The following OPRL1 variants were observed in gnomAD, a reference collection of about 807,000 sequenced individuals.
OPRL1 encodes nociceptin receptor.
In OPRL1, 5 loss-of-function variants were observed where a neutral mutation model predicts 15.5. That is an observed-to-expected ratio of 0.32 (90% CI 0.17 to 0.68). OPRL1 has a LOEUF of 0.68. OPRL1 is among the 30% of genes least tolerant of loss of function. The pLI is 0.72. For missense variants in OPRL1, 406 were observed against 515.3 expected, an observed-to-expected ratio of 0.79 and a Z score of 2.05; for synonymous variants, 223 against 230.2, an observed-to-expected ratio of 0.97 and a Z score of 0.28.
chr20:64,097,840 T>G lies in OPRL1; in HGVS notation c.272T>G (p.Phe91Cys). Residue 91 changes from phenylalanine to cysteine, a missense_variant, in exon 4 of 5, where the codon TTT becomes TGT. Transcript: ENST00000336866. The surrounding 1 kb of genome is among the most constrained non-coding windows in gnomAD (Gnocchi z 4.2). Reference sequence around the variant, plus strand: ...AAGACAGCCACCAATATTTACATCTTTAACCTGGCCCTGGCCGACACTCTG... The same window carrying G: ...AAGACAGCCACCAATATTTACATCTGTAACCTGGCCCTGGCCGACACTCTG... ...KMKTATNIYI[F>C]NLALADTLVL... 6.2e-7 allele frequency: 1 copy of G among 1,613,556 alleles called. No individual in the cohort carries two copies. The highest frequency in any genetic ancestry group is 8.5e-7 in the Non-Finnish European group (1 of 1,179,948).
chr20:64,092,864 C>T lies in OPRL1; in HGVS notation c.144C>T (p.Leu48=), dbSNP rs755034870. ...CCAGCCACGGCGCCTTCCTGCCCCT[C>T]GGGCTCAAGGTCACCATCGTGGGGC... is the stretch of plus-strand genomic sequence containing the variant. ...LNASHGAFLP[L]GLKVTIVGLY... is the part of the protein sequence containing the mutation. The change falls in exon 3 of 5, where the codon CTC becomes CTT. Residue 48 remains leucine, a synonymous_variant. Coordinates refer to ENST00000336866, the MANE Select transcript of OPRL1 (RefSeq NM_182647.4). 6.8e-6 allele frequency: 11 copies of T among 1,612,778 alleles called. No individual in the cohort carries two copies. Among genetic ancestry groups the T allele is most frequent in the Middle Eastern group, 3.3e-4 (2 of 6,060 alleles).
At chr20:64,086,306 G>A (rs2060050132) in intron 1 of OPRL1, among the ~76,000 whole-genome samples, 2 of 152,182 alleles carry the variant, frequency 1.3e-5, no homozygotes, top group Non-Finnish European at 2.9e-5. Flanking sequence ...CTTTTTATAG[G>A]ACTGGAAAAC....
At position 64,098,292 on chromosome 20, in the gene OPRL1, G is replaced by A. The variant is rs1979430303; in HGVS notation, c.606G>A (p.Val202=). Residue 202 remains valine (V), a synonymous_variant, in exon 5 of 5, where the codon GTG becomes GTA. Transcript: ENST00000336866. The part of the protein sequence containing the change: ...QVEDEEIECL[V]EIPTPQDYWG... ...TCCCTGCAGAGATCGAGTGCCTGGT[G>A]GAGATCCCTACCCCTCAGGATTACT... 1 of 1,613,708 alleles carries A rather than the reference G, an allele frequency of 6.2e-7. No homozygotes were observed. Among genetic ancestry groups the A allele is most frequent in the Non-Finnish European group, 8.5e-7 (1 of 1,179,870 alleles).
At chr20:64,084,254 C>G (rs2060016040) in intron 1 of OPRL1, 4 of 1,352,936 alleles carry the variant, frequency 3.0e-6, no homozygotes, top group Non-Finnish European at 1.9e-6. Flanking sequence ...GGCGTCCCGT[C>G]GGTGCCGGGG....
intron 1 of OPRL1, among the ~76,000 whole-genome samples, chr20:64,086,201 T>C (rs1023184923): frequency 2.6e-5 from 4 of 152,146 alleles, no homozygotes; most frequent in Non-Finnish European, 4.4e-5. Context: ...GGGGGACACA[T>C]GGGTGGGGCA....
At position 64,083,770 on chromosome 20, in the gene OPRL1, T is replaced by C; in HGVS notation, c.-185+3418T>C. ...CCCGCCCCGCCCCGGCCGGCTCCGC[T>C]CAACGCTCCCGGTGCGCCCCCTCTG... On this transcript the variant is annotated intron_variant, in intron 1 of 4. Coordinates refer to ENST00000336866, the MANE Select transcript of OPRL1 (RefSeq NM_182647.4). The surrounding 1 kb of genome is among the most constrained non-coding windows in gnomAD (Gnocchi z 4.9). 2 of 1,318,478 alleles carry C rather than the reference T, an allele frequency of 1.5e-6. No homozygotes were observed. Among genetic ancestry groups the C allele is most frequent in the Non-Finnish European group, 1.9e-6 (2 of 1,034,916 alleles). 81.7% of individuals were successfully genotyped at this position (1,318,478 alleles called of 1,614,324 possible).
chr20:64,098,463 G>A lies in OPRL1; in HGVS notation c.777G>A (p.Arg259=), dbSNP rs1979467763. ...CCCGAGAGAAGGACCGGAACCTGCG[G>A]CGCATCACTCGGCTGGTGCTGGTGG... The part of the protein sequence containing the change: ...SGSREKDRNL[R]RITRLVLVVV... Residue 259 remains arginine, a synonymous_variant, in exon 5 of 5, where the codon CGG becomes CGA. Coordinates refer to ENST00000336866, the MANE Select transcript of OPRL1 (RefSeq NM_182647.4). 4 of 1,613,402 alleles carry A rather than the reference G, an allele frequency of 2.5e-6. No homozygotes were observed. In the South Asian group the frequency reaches 4.4e-5, roughly 18 times the overall value.
chr20:64,093,013 T>C, intron 3 of OPRL1, 60 bp downstream of exon 3: 2 of 1,457,930 alleles, frequency 1.4e-6, no homozygotes, highest in Non-Finnish European at 9.5e-7. Flanking sequence ...AGGGGGAAAC[T>C]GAGACGGGGT....
chr20:64,087,921 C>T (rs564092126), intron 1 of OPRL1, among the ~76,000 whole-genome samples: 60 of 152,326 alleles, frequency 3.9e-4, no homozygotes, highest in African/African-American at 1.3e-3. Context: ...AGTTCTCCTC[C>T]GTGGGAGCGT....
chr20:64,093,039 C>T (rs1334199011), intron 3 of OPRL1, 86 bp downstream of exon 3: 4 of 1,202,482 alleles, frequency 3.3e-6, no homozygotes, highest in Non-Finnish European at 3.5e-6. Flanking sequence ...CTGGATGGGC[C>T]TGAGCAGGTG....
In OPRL1 at chr20:64,097,751, G is replaced by A; in HGVS notation, c.234-51G>A. 3 of 1,539,168 alleles carry A rather than the reference G, an allele frequency of 1.9e-6. No individual in the cohort carries two copies. Among genetic ancestry groups the A allele is most frequent in the Non-Finnish European group, 2.7e-6 (3 of 1,123,054 alleles). ...AGGAGCCCCTTGCCCTTTGCTGCCT[G>A]GTCCAGCCAGCATGGCCAAGTGAAG... On this transcript the variant is annotated intron_variant, in intron 3 of 4. Transcript: ENST00000336866. This position sits in a 1 kb window ranked among gnomAD's most constrained non-coding sequence, Gnocchi z 4.2.
rs371786590 is a variant in OPRL1, at chr20:64,083,367, C to T, written c.-185+3015C>T. On this transcript the variant is annotated intron_variant, in intron 1 of 4. Coordinates refer to ENST00000336866, the MANE Select transcript of OPRL1 (RefSeq NM_182647.4). The surrounding 1 kb of genome is among the most constrained non-coding windows in gnomAD (Gnocchi z 4.9). ...TCCTGGGGAGTGGCAGCAAAAAGAC[C>T]AGCGAGCCTTCGGAGAATTATAACT... 10 of 1,606,812 alleles carry T rather than the reference C, an allele frequency of 6.2e-6. No individual in the cohort carries two copies. The African/African-American group carries it at 1.3e-4, about 22-fold the overall frequency.
At chr20:64,084,419 C>G (rs2060019530) in intron 1 of OPRL1, 5 of 1,262,084 alleles carry the variant, frequency 4.0e-6, no homozygotes, top group Non-Finnish European at 5.0e-6. Flanking sequence ...TCCCCAGCAG[C>G]TCTGCCATCG....
Position 64,098,772 on chromosome 20 carries a change from C to T in OPRL1, c.1086C>T (p.Thr362=). The change falls in exon 5 of 5, where the codon ACC becomes ACT. Residue 362 remains threonine, a synonymous_variant. Coordinates refer to ENST00000336866, the MANE Select transcript of OPRL1 (RefSeq NM_182647.4). ...IAKDVALACK[T]SETVPRPA ...AGGACGTGGCCCTGGCCTGCAAGAC[C>T]TCTGAGACGGTACCGCGGCCCGCAT... 6.2e-7 allele frequency: 1 copy of T among 1,603,844 alleles called. No individual in the cohort carries two copies. The highest frequency in any genetic ancestry group is 1.3e-5 in the African/African-American group (1 of 75,054).
chr20:64,085,650 G>A (rs543509488), intron 1 of OPRL1, among the ~76,000 whole-genome samples: 15 of 152,282 alleles, frequency 9.9e-5, no homozygotes, highest in African/African-American at 2.6e-4. Flanking sequence ...AATCTGTTAC[G>A]TATCTATTAC....
At position 64,083,190 on chromosome 20, in the gene OPRL1, G is replaced by A. The variant is rs1198204845; in HGVS notation, c.-185+2838G>A. Among the ~76,000 whole-genome samples the A allele has an allele frequency of 3.9e-5, 6 of 152,204 alleles. No individual in the cohort carries two copies. The highest frequency in any genetic ancestry group is 1.3e-4 in the Admixed American group (2 of 15,286). On this transcript the variant is annotated intron_variant, in intron 1 of 4. Transcript: ENST00000336866. This position sits in a 1 kb window ranked among gnomAD's most constrained non-coding sequence, Gnocchi z 4.9. ...CCAGGTTGCCAGTGGGGGGCAGATC[G>A]GGATTAGGGGTAGGCGTGTCCCTGA...
intron 3 of OPRL1, among the ~76,000 whole-genome samples, chr20:64,095,610 G>A (rs938977290): frequency 6.6e-6 from 1 of 151,614 alleles, no homozygotes. Flanking sequence ...GCAGTGGGGG[G>A]TTATGGGTGG....
At chr20:64,082,555 G>A (rs938090151) in intron 1 of OPRL1, among the ~76,000 whole-genome samples, 2 of 152,214 alleles carry the variant, frequency 1.3e-5, no homozygotes, top group Non-Finnish European at 2.9e-5. Context: ...AGCAGGAGGA[G>A]CGGTTTGTCT....
intron 1 of OPRL1, among the ~76,000 whole-genome samples, chr20:64,088,618 G>A (rs2060079883): frequency 6.6e-6 from 1 of 151,344 alleles, no homozygotes; most frequent in African/African-American, 2.4e-5. Flanking sequence ...GTGCAGAGTG[G>A]CCAGGATCTG....
Sources: gnomAD v4.1 joint callset for allele counts (sites outside exome capture counted in the v4.1 genomes callset) on GRCh38, gnomAD v4.1.1 for gene constraint, Gnocchi (gnomAD v3.1) non-coding constraint, MANE v1.5 for transcripts, NCBI Gene and HGNC (gene_info 2026-07-23, HGNC 2026-07-21) for gene names.